Variants in ADCY8 observed in about 807,000 individuals in gnomAD.
The protein encoded by ADCY8 is adenylate cyclase type 8.
A neutral mutation model predicts 119.7 loss-of-function variants in ADCY8; 51 were observed. The ratio of observed to expected loss-of-function variants is 0.43; its 90% confidence interval spans 0.34 to 0.54. ADCY8 has a LOEUF of 0.54. Ranked by LOEUF, ADCY8 falls within the 20% of genes least tolerant of loss-of-function variation. ADCY8 has a pLI of 0.03. For synonymous variants in ADCY8, 665 were observed against 651.0 expected (o/e 1.02, Z -0.33); for missense variants, 1,383 against 1,598.8 (o/e 0.87, Z 2.30).
chr8:130,806,332 G>T (rs1018287404), intron 14 of ADCY8, among the ~76,000 whole-genome samples: 3 of 152,172 alleles, frequency 2.0e-5, no homozygotes, highest in Non-Finnish European at 4.4e-5. Context: ...GTCCCTTTCA[G>T]CCTGGGAGCC....
At chr8:130,836,727 A>C (rs529933213) in intron 11 of ADCY8, among the ~76,000 whole-genome samples, 2 of 152,058 alleles carry the variant, frequency 1.3e-5, no homozygotes, top group East Asian at 3.9e-4. Flanking sequence ...CTAAGTTGGT[A>C]GATTCTACTT....
intron 1 of ADCY8, among the ~76,000 whole-genome samples, chr8:131,025,825 C>G (rs1444016021): frequency 6.6e-6 from 1 of 152,180 alleles, no homozygotes; most frequent in Non-Finnish European, 1.5e-5. Context: ...ACCCTGGATG[C>G]CTCACTTTTC....
intron 5 of ADCY8, among the ~76,000 whole-genome samples, chr8:130,918,862 G>A (rs1456141550): frequency 6.6e-6 from 1 of 152,172 alleles, no homozygotes; most frequent in South Asian, 2.1e-4. Flanking sequence ...GGAGTTTGAC[G>A]CCAGCCTGGC....
At chr8:130,789,235 G>C (rs1370314133) in intron 15 of ADCY8, among the ~76,000 whole-genome samples, 1 of 152,086 alleles carries the variant, frequency 6.6e-6, no homozygotes, top group African/African-American at 2.4e-5. Flanking sequence ...ATGCTATTAA[G>C]AGTAAAGACA....
At chr8:130,881,299 A>G (rs529496839) in intron 8 of ADCY8, among the ~76,000 whole-genome samples, 3 of 152,304 alleles carry the variant, frequency 2.0e-5, no homozygotes, top group African/African-American at 7.2e-5. Context: ...GTTTCACATA[A>G]TGTTGTGGAT....
At chr8:130,898,513 A>G (rs1819485430) in intron 7 of ADCY8, among the ~76,000 whole-genome samples, 1 of 152,204 alleles carries the variant, frequency 6.6e-6, no homozygotes. Context: ...AGAAATGACT[A>G]AAACATACAG....
chr8:130,990,327 G>C, intron 2 of ADCY8, 66 bp downstream of exon 2: 3 of 1,565,070 alleles, frequency 1.9e-6, no homozygotes, highest in South Asian at 1.2e-5. Context: ...GAGTAAAACA[G>C]TAGCTCCATA....
chr8:131,038,927 A>G (rs976661497), intron 1 of ADCY8, among the ~76,000 whole-genome samples: 1 of 152,230 alleles, frequency 6.6e-6, no homozygotes, highest in African/African-American at 2.4e-5. Flanking sequence ...TTTGTGGCTT[A>G]GAGATACGGA....
intron 6 of ADCY8, among the ~76,000 whole-genome samples, chr8:130,907,854 C>A (rs1359964920): frequency 6.6e-6 from 1 of 152,146 alleles, no homozygotes; most frequent in African/African-American, 2.4e-5. Context: ...AGGTAGTGAA[C>A]ATACTACCCA....
At chr8:130,821,238 C>T in intron 13 of ADCY8, 104 bp downstream of exon 13, 2 of 881,790 alleles carry the variant, frequency 2.3e-6, no homozygotes, top group Non-Finnish European at 3.6e-6. Context: ...CACAACTTGC[C>T]ACAGGCAGCT....
intron 11 of ADCY8, among the ~76,000 whole-genome samples, chr8:130,846,211 G>GT (rs1817291255): frequency 6.6e-6 from 1 of 152,004 alleles, no homozygotes; most frequent in Non-Finnish European, 1.5e-5. Context: ...AGAGTCCTAG[G>GT]TATGGGGTTG....
In ADCY8 at chr8:130,780,546, G is replaced by A; in HGVS notation, c.3600C>T (p.Val1200=). The A allele has an allele frequency of 6.2e-7, 1 of 1,614,126 alleles. No individual in the cohort carries two copies. Among genetic ancestry groups the A allele is most frequent in the Non-Finnish European group, 8.5e-7 (1 of 1,180,024 alleles). ...TCTGCCTTTGCCTATTGAGGGACTG[G>A]ACAAGTCCCAGGACAACCGCGGCCA... The part of the protein sequence containing the change: ...YSLAAVVLGL[V]QSLNRQRQKQ... Residue 1200 remains valine, a synonymous_variant, in exon 18 of 18, where the codon GTC becomes GTT. Transcript: ENST00000286355.
rs183158665 is a variant in ADCY8 at position 131,003,278 on chromosome 8, G to A, written c.961-12736C>T. On this transcript the variant is annotated intron_variant, in intron 1 of 17. Coordinates refer to ENST00000286355, the MANE Select transcript of ADCY8 (RefSeq NM_001115.3). ...GAAGTAAAAATGTTAAAGGCTAAAA[G>A]TAAGGCCCATAATTGAGAAAAAATA... 3.8e-3 allele frequency among the ~76,000 whole-genome samples: 576 copies of A among 150,748 alleles called. 1 individual carries two copies. The highest frequency in any genetic ancestry group is 0.014 in the African/African-American group (559 of 40,772).
chr8:130,862,382 T>C (rs1376015454), intron 9 of ADCY8, among the ~76,000 whole-genome samples: 1 of 152,110 alleles, frequency 6.6e-6, no homozygotes, highest in Non-Finnish European at 1.5e-5. Flanking sequence ...ATTTGGTAAG[T>C]TGTGTTTTCA....
intron 1 of ADCY8, among the ~76,000 whole-genome samples, chr8:131,015,497 C>A (rs1007352048): frequency 6.6e-6 from 1 of 152,006 alleles, no homozygotes; most frequent in Non-Finnish European, 1.5e-5. Flanking sequence ...CTGAATGGTG[C>A]AAATAAAGGG....
At chr8:130,979,183 T>G (rs1267229610) in intron 2 of ADCY8, among the ~76,000 whole-genome samples, 3 of 152,098 alleles carry the variant, frequency 2.0e-5, no homozygotes, top group Non-Finnish European at 4.4e-5. Flanking sequence ...CAAAGGGAGC[T>G]CCCTGAAGAA....
At chr8:131,002,103 T>C (rs1442782406) in intron 1 of ADCY8, among the ~76,000 whole-genome samples, 1 of 152,262 alleles carries the variant, frequency 6.6e-6, no homozygotes, top group African/African-American at 2.4e-5. Context: ...TTACTTGTTA[T>C]GTAAACTTGG....
chr8:130,813,907 G>C (rs1031529721), intron 14 of ADCY8, among the ~76,000 whole-genome samples, 162 bp downstream of exon 14: 1 of 152,114 alleles, frequency 6.6e-6, no homozygotes, highest in African/African-American at 2.4e-5. Context: ...AGGTGCCTGA[G>C]GTTGGGAGGC....
At chr8:130,781,506 T>TA (rs1468020565) in intron 17 of ADCY8, among the ~76,000 whole-genome samples, 3 of 152,214 alleles carry the variant, frequency 2.0e-5, no homozygotes, top group Non-Finnish European at 4.4e-5. Context: ...TCCTTTCACT[T>TA]ACAGGATAAA....
Sources: gnomAD v4.1 joint callset for allele counts (sites outside exome capture counted in the v4.1 genomes callset) on GRCh38, gnomAD v4.1.1 for gene constraint, MANE v1.5 for transcripts, NCBI Gene and HGNC (gene_info 2026-07-23, HGNC 2026-07-21) for gene names.